Variants in GABRG3 observed in about 807,000 individuals in gnomAD.
GABRG3 encodes the protein gamma-aminobutyric acid type A receptor subunit gamma3.
In GABRG3, 25 loss-of-function variants were observed where a neutral mutation model predicts 48.8. The observed-to-expected ratio is 0.51, with a 90% CI of 0.37 to 0.72. GABRG3 has a LOEUF of 0.72. GABRG3 is among the 30% of genes least tolerant of loss of function. The pLI, the probability that GABRG3 is intolerant of heterozygous loss-of-function variation, is 0.00. For missense variants in GABRG3, 394 were observed against 577.9 expected, an observed-to-expected ratio of 0.68 and a Z score of 3.26; for synonymous variants, 227 against 217.6, an observed-to-expected ratio of 1.04 and a Z score of -0.38.
chr15:27,421,558 A>G (rs1461619697), intron 5 of GABRG3, among the ~76,000 whole-genome samples: 1 of 151,754 alleles, frequency 6.6e-6, no homozygotes, highest in Admixed American at 6.6e-5. Flanking sequence ...GTATCCATCA[A>G]TACTGTTTTA....
chr15:27,112,869 A>G (rs1897578323), intron 3 of GABRG3, among the ~76,000 whole-genome samples: 1 of 152,240 alleles, frequency 6.6e-6, no homozygotes, highest in Non-Finnish European at 1.5e-5. Context: ...GTTTGTTTAC[A>G]GACCTTTTTC....
At chr15:27,251,397 T>G (rs1164324829) in intron 3 of GABRG3, among the ~76,000 whole-genome samples, 1 of 152,154 alleles carries the variant, frequency 6.6e-6, no homozygotes, top group African/African-American at 2.4e-5. Flanking sequence ...AGATATCTTC[T>G]GCTCAGAGAC....
chr15:27,389,141 T>G (rs1296482163), intron 5 of GABRG3, among the ~76,000 whole-genome samples: 1 of 152,014 alleles, frequency 6.6e-6, no homozygotes, highest in Non-Finnish European at 1.5e-5. Flanking sequence ...AATGGGAAAT[T>G]TACACACAAG....
intron 5 of GABRG3, among the ~76,000 whole-genome samples, chr15:27,332,729 C>T (rs1352874108): frequency 3.3e-5 from 5 of 152,012 alleles, no homozygotes; most frequent in Non-Finnish European, 7.4e-5. Context: ...GAAAACTGCC[C>T]AAAATGTACA....
intron 5 of GABRG3, among the ~76,000 whole-genome samples, chr15:27,389,715 C>A (rs1896163927): frequency 2.0e-5 from 3 of 152,186 alleles, no homozygotes. Flanking sequence ...ATTCAAATGA[C>A]CCTTCGAGTT....
At chr15:27,088,149 C>T (rs1001772516) in intron 3 of GABRG3, among the ~76,000 whole-genome samples, 5 of 150,604 alleles carry the variant, frequency 3.3e-5, no homozygotes, top group Non-Finnish European at 7.4e-5. Context: ...GTGGAGAGGC[C>T]TGAAGCAGCT....
intron 5 of GABRG3, among the ~76,000 whole-genome samples, chr15:27,463,163 A>G (rs1300331362): frequency 1.3e-5 from 2 of 152,234 alleles, no homozygotes; most frequent in Non-Finnish European, 2.9e-5. Flanking sequence ...TATTTGAATT[A>G]CAAACATTGT....
chr15:27,323,896 G>C (rs962323451), intron 3 of GABRG3, among the ~76,000 whole-genome samples: 1 of 152,100 alleles, frequency 6.6e-6, no homozygotes, highest in Non-Finnish European at 1.5e-5. Context: ...AGTCTCTCAG[G>C]GCCTGAATGG....
chr15:26,993,200 T>G (rs549582716), intron 2 of GABRG3, among the ~76,000 whole-genome samples: 1 of 152,224 alleles, frequency 6.6e-6, no homozygotes, highest in Middle Eastern at 3.4e-3. Context: ...TCACTTCAAA[T>G]TCTTTTATAT....
intron 3 of GABRG3, among the ~76,000 whole-genome samples, chr15:27,220,998 T>TTTC (rs34361197): frequency 0.09 from 13,707 of 152,042 alleles, 725 homozygotes; most frequent in African/African-American, 0.15. Flanking sequence ...CTTCTTTTTT[T>TTTC]TTTCTTTTTT....
chr15:27,042,272 C>A (rs1896289797), intron 3 of GABRG3, among the ~76,000 whole-genome samples: 1 of 152,162 alleles, frequency 6.6e-6, no homozygotes, highest in African/African-American at 2.4e-5. Context: ...TACACAGGAG[C>A]CAAGCATATG....
At chr15:27,362,823 C>A (rs1224790293) in intron 5 of GABRG3, 1 of 152,158 alleles carries the variant, frequency 6.6e-6, no homozygotes, top group Non-Finnish European at 1.5e-5. Flanking sequence ...GATATCATTT[C>A]TTCAAGGGAG....
chr15:27,151,758 A>G (rs984108914), intron 3 of GABRG3, among the ~76,000 whole-genome samples: 2 of 152,196 alleles, frequency 1.3e-5, no homozygotes, highest in African/African-American at 4.8e-5. Flanking sequence ...CAAGGACTGC[A>G]GGAGGCCTCT....
chr15:27,220,585 G>T (rs78503707), intron 3 of GABRG3, among the ~76,000 whole-genome samples: 70 of 152,262 alleles, frequency 4.6e-4, no homozygotes, highest in African/African-American at 1.7e-3. Flanking sequence ...ACAGCAGTGG[G>T]CATTTTCCAT....
At chr15:27,298,383 G>T (rs945100009) in intron 3 of GABRG3, among the ~76,000 whole-genome samples, 1 of 152,110 alleles carries the variant, frequency 6.6e-6, no homozygotes, top group South Asian at 2.1e-4. Flanking sequence ...CTCCAAAGAT[G>T]ATTTTGAGGG....
At chr15:27,188,167 G>A (rs1316166442) in intron 3 of GABRG3, among the ~76,000 whole-genome samples, 3 of 152,150 alleles carry the variant, frequency 2.0e-5, no homozygotes, top group African/African-American at 7.2e-5. Flanking sequence ...TTGCTTTTGT[G>A]AATAGTGCTG....
At chr15:27,348,319 A>AGGACCAAACGGGGTCAAGAGAGTCAT (rs1894447926) in intron 5 of GABRG3, among the ~76,000 whole-genome samples, 1 of 152,194 alleles carries the variant, frequency 6.6e-6, no homozygotes, top group African/African-American at 2.4e-5. Context: ...TTTGTCTTCA[A>AGGACCAAACGGGGTCAAGAGAGTCAT]GGACCAAACG....
At chr15:27,343,981 A>G (rs1555373419) in intron 5 of GABRG3, among the ~76,000 whole-genome samples, 1 of 152,090 alleles carries the variant, frequency 6.6e-6, no homozygotes, top group Non-Finnish European at 1.5e-5. Flanking sequence ...AAGTTTATGC[A>G]TTTTCACCCC....
intron 3 of GABRG3, among the ~76,000 whole-genome samples, chr15:27,190,153 T>C (rs1888244990): frequency 6.6e-6 from 1 of 152,214 alleles, no homozygotes; most frequent in African/African-American, 2.4e-5. Flanking sequence ...GATTTTTGCA[T>C]CAATGTTCAT....
Sources: allele counts gnomAD v4.1 joint callset (sites outside exome capture counted in the v4.1 genomes callset), GRCh38; gene constraint gnomAD v4.1.1; transcripts MANE v1.5; gene names NCBI Gene and HGNC (gene_info 2026-07-23, HGNC 2026-07-21).